MAF: variants seen among roughly 807,000 people sequenced by gnomAD.
MAF encodes transcription factor Maf.
In MAF, 10 loss-of-function variants were observed where a neutral mutation model predicts 22.0. The observed-to-expected ratio is 0.45, with a 90% confidence interval of 0.28 to 0.77. The LOEUF (loss-of-function observed/expected upper bound fraction) is 0.77, where lower values mean the gene tolerates loss of function less well. MAF is among the 30% of genes least tolerant of loss of function. The pLI is 0.12. For missense variants in MAF, 544 were observed against 548.4 expected, an observed-to-expected ratio of 0.99 and a Z score of 0.08; for synonymous variants, 337 against 255.8, an observed-to-expected ratio of 1.32 and a Z score of -3.03.
the MAF span, among the ~76,000 whole-genome samples, chr16:79,446,025 G>T: frequency 1.3e-5 from 2 of 151,904 alleles, no homozygotes; most frequent in East Asian, 3.9e-4. Flanking sequence ...CCTGGCTTAG[G>T]GGTCAATGAG....
At chr16:79,410,171 C>A in the MAF span, among the ~76,000 whole-genome samples, 1 of 152,220 alleles carries the variant, frequency 6.6e-6, no homozygotes, top group Non-Finnish European at 1.5e-5. Flanking sequence ...ACCAATCCAG[C>A]CGTTCCGTAC....
the MAF span, among the ~76,000 whole-genome samples, chr16:79,244,385 A>C: frequency 1.3e-5 from 2 of 152,126 alleles, no homozygotes; most frequent in Non-Finnish European, 2.9e-5. Flanking sequence ...ATACAAAATC[A>C]ATGTGCAAAA....
the MAF span, among the ~76,000 whole-genome samples, chr16:79,325,725 A>T: frequency 6.6e-6 from 1 of 152,242 alleles, no homozygotes; most frequent in African/African-American, 2.4e-5. Flanking sequence ...GCAAAGTTAA[A>T]GTGAGAAGGC....
chr16:79,479,384 G>T, the MAF span, among the ~76,000 whole-genome samples: 1 of 152,196 alleles, frequency 6.6e-6, no homozygotes, highest in African/African-American at 2.4e-5. Context: ...CCGGATATGT[G>T]TTTTCTGAAC....
chr16:79,273,023 A>G, the MAF span, among the ~76,000 whole-genome samples: 1 of 152,228 alleles, frequency 6.6e-6, no homozygotes, highest in South Asian at 2.1e-4. Flanking sequence ...AGTATGTTAA[A>G]ATGACATTGT....
chr16:79,323,600 C>A, the MAF span, among the ~76,000 whole-genome samples: 1 of 152,222 alleles, frequency 6.6e-6, no homozygotes, highest in East Asian at 1.9e-4. Context: ...CCATGGGCAC[C>A]GGAAAGGGTG....
chr16:79,314,817 T>G, the MAF span, among the ~76,000 whole-genome samples: 1 of 152,128 alleles, frequency 6.6e-6, no homozygotes, highest in Non-Finnish European at 1.5e-5. Context: ...CTTCCTTCCC[T>G]TCCTAGAAGG....
the MAF span, among the ~76,000 whole-genome samples, chr16:79,381,793 G>A: frequency 6.6e-6 from 1 of 152,178 alleles, no homozygotes; most frequent in East Asian, 1.9e-4. Context: ...TTGCCTTGGA[G>A]AACACATTGG....
the MAF span, among the ~76,000 whole-genome samples, chr16:79,229,932 A>G: frequency 5.3e-5 from 8 of 152,012 alleles, no homozygotes; most frequent in Admixed American, 3.9e-4. Flanking sequence ...TTTGCATGCA[A>G]TGTTAAACAC....
At chr16:79,463,256 A>G in the MAF span, among the ~76,000 whole-genome samples, 1 of 152,312 alleles carries the variant, frequency 6.6e-6, no homozygotes, top group African/African-American at 2.4e-5. Context: ...CTATGGTAGG[A>G]GTTGGGCTTT....
the MAF span, among the ~76,000 whole-genome samples, chr16:79,399,364 A>G: frequency 6.6e-6 from 1 of 152,206 alleles, no homozygotes; most frequent in Non-Finnish European, 1.5e-5. Context: ...ATGTCTTGAA[A>G]GGAGGGAGCA....
chr16:79,247,989 C>T, the MAF span, among the ~76,000 whole-genome samples: 2 of 149,626 alleles, frequency 1.3e-5, no homozygotes, highest in Admixed American at 6.7e-5. Flanking sequence ...TTACTTTACC[C>T]ACCCAGTTTT....
the MAF span, among the ~76,000 whole-genome samples, chr16:79,387,449 A>G: frequency 6.6e-6 from 1 of 152,256 alleles, no homozygotes; most frequent in South Asian, 2.1e-4. Flanking sequence ...CACCAGGTCA[A>G]TGCATGAGTC....
At chr16:79,353,444 A>T in the MAF span, among the ~76,000 whole-genome samples, 2 of 152,190 alleles carry the variant, frequency 1.3e-5, no homozygotes, top group Admixed American at 1.3e-4. Flanking sequence ...CCAAGAAATT[A>T]TTCAAAGTTA....
At chr16:79,255,056 C>T in the MAF span, among the ~76,000 whole-genome samples, 1 of 152,162 alleles carries the variant, frequency 6.6e-6, no homozygotes, top group Non-Finnish European at 1.5e-5. Flanking sequence ...CCACTGTTCA[C>T]CGGTGCAGTT....
chr16:79,357,167 A>C, the MAF span, among the ~76,000 whole-genome samples: 1 of 152,112 alleles, frequency 6.6e-6, no homozygotes, highest in Non-Finnish European at 1.5e-5. Context: ...GAGGCAGGAG[A>C]ATTGCTTGAA....
the MAF span, among the ~76,000 whole-genome samples, chr16:79,352,662 T>C: frequency 1.3e-5 from 2 of 152,196 alleles, no homozygotes; most frequent in African/African-American, 2.4e-5. Flanking sequence ...TAGAGGCAGA[T>C]AGAACCCAGT....
chr16:79,419,850 C>T, the MAF span, among the ~76,000 whole-genome samples: 7 of 152,190 alleles, frequency 4.6e-5, no homozygotes, highest in South Asian at 1.5e-3. Context: ...CATTAACCAC[C>T]CTTACTTTGC....
At chr16:79,314,635 T>C in the MAF span, among the ~76,000 whole-genome samples, 1 of 152,306 alleles carries the variant, frequency 6.6e-6, no homozygotes, top group South Asian at 2.1e-4. Context: ...AATTCAGGAA[T>C]CTTAGCTGGA....
Sources: gnomAD v4.1 joint callset for allele counts (sites outside exome capture counted in the v4.1 genomes callset) on GRCh38, gnomAD v4.1.1 for gene constraint, MANE v1.5 for transcripts, NCBI Gene and HGNC (gene_info 2026-07-23, HGNC 2026-07-21) for gene names.